UVRAG: variants seen among roughly 807,000 people sequenced by gnomAD.
UVRAG encodes the protein UV radiation resistance associated, also known as UV radiation resistance-associated gene protein.
In UVRAG, 19 loss-of-function variants were observed where a neutral mutation model predicts 78.0. The ratio of observed to expected loss-of-function variants is 0.24; its 90% CI spans 0.17 to 0.36. UVRAG has a LOEUF of 0.36. UVRAG is among the 10% of genes least tolerant of loss of function. The probability of loss-of-function intolerance (pLI) is 1.00; values close to 1 mark genes in which losing one functional copy is unlikely to be tolerated. For synonymous variants in UVRAG, 323 were observed against 324.6 expected (o/e 1.00, Z 0.05); for missense variants, 740 against 853.8 (o/e 0.87, Z 1.66).
intron 2 of UVRAG, among the ~76,000 whole-genome samples, chr11:75,860,741 T>G (rs915738799): frequency 1.3e-5 from 2 of 152,158 alleles, no homozygotes; most frequent in African/African-American, 2.4e-5. Context: ...TTTGGCAATA[T>G]CTATCAAAGT....
At chr11:75,985,228 G>T (rs1591096411) in intron 8 of UVRAG, among the ~76,000 whole-genome samples, 1 of 127,698 alleles carries the variant, frequency 7.8e-6, no homozygotes, top group African/African-American at 2.9e-5. Context: ...CCTTTCTGTT[G>T]GATATGTTGT....
At chr11:75,889,865 A>G (rs139882589) in intron 5 of UVRAG, among the ~76,000 whole-genome samples, 5 of 152,376 alleles carry the variant, frequency 3.3e-5, no homozygotes, top group Admixed American at 6.5e-5. Flanking sequence ...CTATATAAGC[A>G]TATAATGAGG....
intron 12 of UVRAG, among the ~76,000 whole-genome samples, chr11:76,057,321 C>T (rs1415434044): frequency 6.6e-6 from 1 of 152,108 alleles, no homozygotes; most frequent in East Asian, 1.9e-4. Flanking sequence ...ATATCTGTTA[C>T]TTTCTGTGTT....
chr11:76,038,496 A>G lies in UVRAG; in HGVS notation c.1226+21516A>G, dbSNP rs193083273. On this transcript the variant is annotated intron_variant, in intron 12 of 14. Transcript: ENST00000356136. The stretch of plus-strand genomic sequence containing the variant: ...TATACAGGACTTATGTACATAAGTT[A>G]TATTTGTAGGTTATATTAAAATACA... Among the ~76,000 whole-genome samples, 7 of 152,318 alleles carry G rather than the reference A, an allele frequency of 4.6e-5. No homozygotes were observed. In the East Asian group the frequency reaches 1.3e-3, roughly 29 times the overall value.
intron 6 of UVRAG, among the ~76,000 whole-genome samples, chr11:75,955,547 G>A (rs1288830753): frequency 6.6e-6 from 1 of 151,920 alleles, no homozygotes; most frequent in African/African-American, 2.4e-5. Context: ...TTCACACACA[G>A]TGAAATGCAC....
intron 11 of UVRAG, among the ~76,000 whole-genome samples, chr11:76,010,812 G>C (rs2135353730): frequency 6.6e-6 from 1 of 152,314 alleles, no homozygotes; most frequent in Admixed American, 6.5e-5. Flanking sequence ...AGCATAGTGA[G>C]CGAGGGAAGA....
chr11:75,995,339 T>G (rs1949685435), intron 8 of UVRAG, among the ~76,000 whole-genome samples: 1 of 152,008 alleles, frequency 6.6e-6, no homozygotes, highest in Non-Finnish European at 1.5e-5. Context: ...AACACATTAT[T>G]TTGGTGGCAG....
At chr11:76,125,968 T>A (rs1246278146) in intron 14 of UVRAG, among the ~76,000 whole-genome samples, 1 of 150,718 alleles carries the variant, frequency 6.6e-6, no homozygotes, top group Non-Finnish European at 1.5e-5. Context: ...TTTTTTTTTT[T>A]AGACAGAGTC....
At chr11:76,124,367 T>A (rs563191984) in intron 14 of UVRAG, among the ~76,000 whole-genome samples, 1 of 152,344 alleles carries the variant, frequency 6.6e-6, no homozygotes, top group East Asian at 1.9e-4. Flanking sequence ...AATTATTAGA[T>A]AAGACAAATA....
At chr11:75,908,295 A>G (rs1404994472) in intron 5 of UVRAG, among the ~76,000 whole-genome samples, 2 of 152,180 alleles carry the variant, frequency 1.3e-5, no homozygotes, top group African/African-American at 4.8e-5. Flanking sequence ...GTATGAATAT[A>G]CCATGTTTTG....
intron 3 of UVRAG, among the ~76,000 whole-genome samples, chr11:75,864,261 A>G (rs141702869): frequency 1.2e-4 from 19 of 152,148 alleles, no homozygotes; most frequent in African/African-American, 4.1e-4. Flanking sequence ...TCACCATGTT[A>G]CCCAGGCTGG....
At chr11:75,817,994 A>C (rs1438460297) in intron 1 of UVRAG, among the ~76,000 whole-genome samples, 2 of 151,840 alleles carry the variant, frequency 1.3e-5, no homozygotes, top group South Asian at 4.1e-4. Flanking sequence ...TGGGAGGCGC[A>C]GGTTGCAGTA....
At chr11:75,967,228 C>CA (rs574121873) in intron 7 of UVRAG, among the ~76,000 whole-genome samples, 12 of 152,132 alleles carry the variant, frequency 7.9e-5, no homozygotes, top group Non-Finnish European at 1.5e-4. Flanking sequence ...CAGTTTGTTG[C>CA]ATACTTATTC....
chr11:76,121,574 A>G lies in UVRAG; in HGVS notation c.1397+5559A>G, dbSNP rs1028137676. Among the ~76,000 whole-genome samples the G allele has an allele frequency of 3.9e-5, 6 of 152,184 alleles. No homozygotes were observed. The East Asian group carries it at 1.2e-3, about 29-fold the overall frequency. ...CTGTAAGACAACAAGTTTAGAACTGAGTTGAAGAGATTATGTGCGAGGTTG... is the reference window on the plus strand; with the variant it reads ...CTGTAAGACAACAAGTTTAGAACTGGGTTGAAGAGATTATGTGCGAGGTTG... On this transcript the variant is annotated intron_variant, in intron 14 of 14. Coordinates refer to ENST00000356136, the MANE Select transcript of UVRAG (RefSeq NM_003369.4).
intron 6 of UVRAG, among the ~76,000 whole-genome samples, chr11:75,928,425 G>C (rs1948158561): frequency 6.6e-6 from 1 of 152,160 alleles, no homozygotes; most frequent in Non-Finnish European, 1.5e-5. Context: ...AGGTGTCCCA[G>C]AGGTCAAAGT....
chr11:75,879,887 G>C lies in UVRAG; in HGVS notation c.279G>C (p.Thr93=), dbSNP rs774936246. The change falls in exon 4 of 15, where the codon ACG becomes ACC. Residue 93 remains threonine, a synonymous_variant. Coordinates refer to ENST00000356136, the MANE Select transcript of UVRAG (RefSeq NM_003369.4). Reference sequence around the variant, plus strand: ...TTCATTTTCATGAGCAGAATCCCACGTGGCGAAGTCTCGATTTTGGAATTA... The same window carrying C: ...TTCATTTTCATGAGCAGAATCCCACCTGGCGAAGTCTCGATTTTGGAATTA... ...SEVIKNSLNP[T]WRSLDFGIMP... is the part of the protein sequence containing the mutation. 4 of 1,613,876 alleles carry C rather than the reference G, an allele frequency of 2.5e-6. No homozygotes were observed. In the South Asian group the frequency reaches 4.4e-5, roughly 18 times the overall value.
At chr11:75,909,907 T>G (rs1591005800) in intron 5 of UVRAG, among the ~76,000 whole-genome samples, 2 of 152,214 alleles carry the variant, frequency 1.3e-5, no homozygotes, top group East Asian at 3.8e-4. Flanking sequence ...GTAATGCTAG[T>G]TTTATAAGTT....
chr11:75,828,864 G>A (rs1287590399), intron 1 of UVRAG, among the ~76,000 whole-genome samples: 3 of 144,744 alleles, frequency 2.1e-5, no homozygotes, highest in African/African-American at 5.1e-5. Context: ...CGCATGGTGC[G>A]CGCCACCATG....
At chr11:76,112,639 T>G (rs1349232631) in intron 13 of UVRAG, among the ~76,000 whole-genome samples, 1 of 152,180 alleles carries the variant, frequency 6.6e-6, no homozygotes, top group African/African-American at 2.4e-5. Context: ...AATATATCTC[T>G]AAGAGCAAAA....
Sources: gnomAD v4.1 joint callset for allele counts (sites outside exome capture counted in the v4.1 genomes callset) on GRCh38, gnomAD v4.1.1 for gene constraint, MANE v1.5 for transcripts, NCBI Gene and HGNC (gene_info 2026-07-23, HGNC 2026-07-21) for gene names.